The following LPIN2 variants were observed in gnomAD, a reference collection of about 807,000 sequenced individuals.
LPIN2 encodes the protein phosphatidate phosphatase LPIN2.
Under a neutral mutation model 111.4 loss-of-function variants are expected in LPIN2, and 55 were observed. The ratio of observed to expected loss-of-function variants is 0.49; its 90% CI spans 0.40 to 0.62. The LOEUF (loss-of-function observed/expected upper bound fraction) is 0.62, where lower values mean the gene tolerates loss of function less well. Ranked by LOEUF, LPIN2 falls within the 20% of genes least tolerant of loss-of-function variation. LPIN2 has a pLI of 0.00. For missense variants in LPIN2, 992 were observed against 1,112.1 expected (o/e 0.89, Z 1.54); for synonymous variants, 425 against 414.0 (o/e 1.03, Z -0.32).
chr18:2,950,983 A>G (rs568769390), intron 4 of LPIN2, 72 bp downstream of exon 4: 1 of 1,552,750 alleles, frequency 6.4e-7, no homozygotes. Flanking sequence ...ATCCATAAAA[A>G]AACTGGCAGC....
intron 1 of LPIN2, among the ~76,000 whole-genome samples, chr18:2,995,681 C>G (rs1598608010): frequency 6.6e-6 from 1 of 152,176 alleles, no homozygotes; most frequent in Admixed American, 6.5e-5. Flanking sequence ...AAATATGATT[C>G]ATCTGACATG....
At chr18:2,949,416 T>G (rs1341700740) in intron 4 of LPIN2, among the ~76,000 whole-genome samples, 1 of 152,252 alleles carries the variant, frequency 6.6e-6, no homozygotes, top group Non-Finnish European at 1.5e-5. Context: ...TTTGTAAATA[T>G]AGTGTACTCT....
rs1002182799 is a variant in LPIN2, at chr18:2,976,597, C to G, written c.-9-15748G>C. Among the ~76,000 whole-genome samples the G allele has an allele frequency of 2.6e-5, 4 of 152,260 alleles. No homozygotes were observed. The East Asian group carries it at 7.7e-4, about 29-fold the overall frequency. ...GTTTTTTAAAATGTTTAACAGCTTC[C>G]CTGGGCATTCAACCCACTAAACATT... On this transcript the variant is annotated intron_variant, in intron 1 of 19. Transcript: ENST00000677752.
At chr18:2,979,318 A>C (rs1002230884) in intron 1 of LPIN2, among the ~76,000 whole-genome samples, 1 of 152,200 alleles carries the variant, frequency 6.6e-6, no homozygotes, top group African/African-American at 2.4e-5. Context: ...ACTCTAACGC[A>C]CTGAGTATGC....
chr18:2,977,129 G>A (rs2078032540), intron 1 of LPIN2: 1 of 151,290 alleles, frequency 6.6e-6, no homozygotes, highest in Non-Finnish European at 1.5e-5. Context: ...GACTGCTTGA[G>A]CCTGGGAGGC....
intron 1 of LPIN2, among the ~76,000 whole-genome samples, chr18:3,000,072 G>T: frequency 6.8e-6 from 1 of 147,680 alleles, no homozygotes; most frequent in South Asian, 2.2e-4. Context: ...AGGAGGAGGA[G>T]GAAGAGGAGA....
At chr18:2,992,460 T>C (rs578258920) in intron 1 of LPIN2, among the ~76,000 whole-genome samples, 11 of 152,256 alleles carry the variant, frequency 7.2e-5, no homozygotes, top group African/African-American at 2.4e-4. Context: ...ATGAAAAATT[T>C]TGGAAATAGC....
At chr18:2,997,307 A>C (rs1319264890) in intron 1 of LPIN2, among the ~76,000 whole-genome samples, 3 of 151,306 alleles carry the variant, frequency 2.0e-5, no homozygotes, top group Non-Finnish European at 4.4e-5. Context: ...GTTTTTTTTT[A>C]GTAGAGATGG....
intron 9 of LPIN2, 102 bp downstream of exon 9, chr18:2,931,154 T>TA (rs2077207467): frequency 7.4e-7 from 1 of 1,343,850 alleles, no homozygotes; most frequent in South Asian, 1.3e-5. Context: ...ACAAGATCCC[T>TA]AAAGAATGTA....
intron 1 of LPIN2, among the ~76,000 whole-genome samples, chr18:2,980,154 T>C (rs2078085715): frequency 6.6e-6 from 1 of 152,162 alleles, no homozygotes; most frequent in African/African-American, 2.4e-5. Context: ...TCTCAAAAAT[T>C]TTAGCGAAAC....
intron 1 of LPIN2, among the ~76,000 whole-genome samples, chr18:2,985,885 A>G (rs2143397493): frequency 6.6e-6 from 1 of 152,386 alleles, no homozygotes; most frequent in Middle Eastern, 3.4e-3. Flanking sequence ...GACAAAACTA[A>G]GTTTTGATTA....
At chr18:3,007,560 A>C (rs1307951931) in intron 1 of LPIN2, among the ~76,000 whole-genome samples, 7 of 152,376 alleles carry the variant, frequency 4.6e-5, no homozygotes, top group African/African-American at 1.7e-4. Context: ...TTTACAAAGA[A>C]AAAAATAACA....
In LPIN2 at chr18:3,002,853, CCT is replaced by C. The variant is rs144154526; in HGVS notation, c.-10+10232_-10+10233del. On this transcript the variant is annotated intron_variant, in intron 1 of 19. Transcript: ENST00000677752. ...ACTCCCTTCTAAGTCCCTCCCTGTC[CCT>C]GATTCATAAAACCCTGCTTTACGCA... Among the ~76,000 whole-genome samples the C allele has an allele frequency of 8.5e-3, 1,294 of 152,340 alleles. 11 individuals carry two copies. Among genetic ancestry groups the C allele is most frequent in the South Asian group, 0.021 (100 of 4,826 alleles).
At chr18:3,006,032 C>G (rs1376293068) in intron 1 of LPIN2, among the ~76,000 whole-genome samples, 2 of 152,180 alleles carry the variant, frequency 1.3e-5, no homozygotes, top group African/African-American at 4.8e-5. Flanking sequence ...GCTGTGGCCT[C>G]TGGCAAATCT....
intron 1 of LPIN2, chr18:2,967,613 G>A (rs1168639224): frequency 6.6e-6 from 1 of 152,212 alleles, no homozygotes. Context: ...AACGAAAGGA[G>A]GTTACAACTT....
chr18:2,931,177 T>C (rs2144160928), intron 9 of LPIN2, 79 bp downstream of exon 9: 1 of 1,468,794 alleles, frequency 6.8e-7, no homozygotes, highest in East Asian at 2.3e-5. Flanking sequence ...TATCCTGAAA[T>C]GGCTACACGG....
chr18:2,937,757 G>A lies in LPIN2; in HGVS notation c.1103C>T (p.Ala368Val). Reference protein sequence around the residue: ...MLDADHLPNAALAEAPSESKP... With the variant: ...MLDADHLPNAVLAEAPSESKP... ...GGATTCTGAGGGCGCCTCCGCTAAG[G>A]CTGCGTTGGGAAGGTGGTCAGCATC... Residue 368 changes from alanine (A) to valine (V), a missense_variant, in exon 7 of 20, where the codon GCC becomes GTC. Ala to Val is a moderately conservative substitution (Grantham distance 64). Coordinates refer to ENST00000677752, the MANE Select transcript of LPIN2 (RefSeq NM_001375808.2). 1 of 1,614,104 alleles carries A rather than the reference G, an allele frequency of 6.2e-7. No homozygotes were observed. Among genetic ancestry groups the A allele is most frequent in the Non-Finnish European group, 8.5e-7 (1 of 1,180,022 alleles).
chr18:2,917,358 C>A lies in LPIN2; in HGVS notation c.*2935G>T, dbSNP rs954450963. On this transcript the variant is annotated 3_prime_UTR_variant, in exon 20 of 20. Transcript: ENST00000677752. ...GAAGCTCTACAACACGGGAAAACATCGAAATTCCCCGGAAGTCTGTTTTTG... is the reference window on the plus strand; with the variant it reads ...GAAGCTCTACAACACGGGAAAACATAGAAATTCCCCGGAAGTCTGTTTTTG... 6.6e-6 allele frequency: 1 copy of A among 151,016 alleles called. No homozygotes were observed. The highest frequency in any genetic ancestry group is 2.5e-5 in the African/African-American group (1 of 40,330). 9.4% of individuals were successfully genotyped at this position (151,016 alleles called of 1,614,324 possible). A position where few individuals can be genotyped will look rare whatever the true frequency, so the allele number is the denominator to read the frequency against.
At chr18:2,991,740 A>G (rs1366208509) in intron 1 of LPIN2, among the ~76,000 whole-genome samples, 2 of 152,120 alleles carry the variant, frequency 1.3e-5, no homozygotes, top group Non-Finnish European at 2.9e-5. Flanking sequence ...GGCCGGGCAC[A>G]GTGGCTCACG....
Sources: allele counts gnomAD v4.1 joint callset (sites outside exome capture counted in the v4.1 genomes callset), GRCh38; gene constraint gnomAD v4.1.1; transcripts MANE v1.5; gene names NCBI Gene and HGNC (gene_info 2026-07-23, HGNC 2026-07-21).